GRIN2A: variants seen among roughly 807,000 people sequenced by gnomAD.
The protein encoded by GRIN2A is glutamate ionotropic receptor NMDA type subunit 2A, also known as glutamate receptor ionotropic, NMDA 2A.
GRIN2A carries 22 observed loss-of-function variants against 113.4 expected under a neutral mutation model. The ratio of observed to expected loss-of-function variants is 0.19; its 90% CI spans 0.14 to 0.28. The LOEUF (loss-of-function observed/expected upper bound fraction) is 0.28. Ranked by LOEUF, GRIN2A falls within the 10% of genes least tolerant of loss-of-function variation. The pLI, the probability that GRIN2A is intolerant of heterozygous loss-of-function variation, is 1.00. For missense variants in GRIN2A, 1,502 were observed against 1,887.0 expected, an observed-to-expected ratio of 0.80 and a Z score of 3.78; for synonymous variants, 827 against 738.4, an observed-to-expected ratio of 1.12 and a Z score of -1.94.
At chr16:9,987,907 C>T (rs917381973) in intron 2 of GRIN2A, among the ~76,000 whole-genome samples, 1 of 152,114 alleles carries the variant, frequency 6.6e-6, no homozygotes, top group Non-Finnish European at 1.5e-5. Flanking sequence ...TTCTCTCTAC[C>T]CAGGAGATAA....
chr16:9,988,629 G>C (rs1206036684), intron 2 of GRIN2A, among the ~76,000 whole-genome samples: 1 of 152,054 alleles, frequency 6.6e-6, no homozygotes, highest in Non-Finnish European at 1.5e-5. Flanking sequence ...ATGCCAGGCT[G>C]AGTGATAGGT....
chr16:9,758,654 T>A lies in GRIN2A; in HGVS notation c.*4495A>T, dbSNP rs1018314012. 9.3e-6 allele frequency: 2 copies of A among 214,488 alleles called. No homozygotes were observed. The highest frequency in any genetic ancestry group is 4.5e-5 in the African/African-American group (2 of 44,310). The allele number at this position is 214,488 out of a possible 1,614,324, so 13.3% of individuals were successfully genotyped here. On this transcript the variant is annotated 3_prime_UTR_variant, in exon 13 of 13. Transcript: ENST00000330684. ...TACATGTGTACACAAGCAGTTGTAT[T>A]CACAGGATAAGTGCATTTGATCATC...
chr16:10,070,736 T>A (rs1180744510), intron 2 of GRIN2A, among the ~76,000 whole-genome samples: 1 of 152,106 alleles, frequency 6.6e-6, no homozygotes, highest in Non-Finnish European at 1.5e-5. Flanking sequence ...CTTTTTCAGG[T>A]TTTGCAAACT....
At chr16:9,768,316 T>C (rs550499833) in intron 12 of GRIN2A, among the ~76,000 whole-genome samples, 1 of 152,284 alleles carries the variant, frequency 6.6e-6, no homozygotes, top group Admixed American at 6.5e-5. Context: ...CCTCCCAAAG[T>C]GCTGGGATTA....
chr16:9,788,554 G>A (rs945520151), intron 11 of GRIN2A, among the ~76,000 whole-genome samples: 55 of 151,708 alleles, frequency 3.6e-4, no homozygotes, highest in African/African-American at 1.3e-3. Context: ...CATCATGCCT[G>A]GCCTTCTTTT....
At chr16:10,079,528 G>A (rs1225145946) in intron 2 of GRIN2A, among the ~76,000 whole-genome samples, 1 of 152,146 alleles carries the variant, frequency 6.6e-6, no homozygotes, top group Non-Finnish European at 1.5e-5. Context: ...AGGTGATTAG[G>A]TCATGAGGGC....
chr16:10,044,268 G>A (rs1204871532), intron 2 of GRIN2A, among the ~76,000 whole-genome samples: 5 of 151,820 alleles, frequency 3.3e-5, no homozygotes, highest in Non-Finnish European at 7.4e-5. Context: ...TCCTGACCTC[G>A]TGATCCACCC....
At chr16:9,847,838 G>A (rs12325198) in intron 5 of GRIN2A, among the ~76,000 whole-genome samples, 4,698 of 147,662 alleles carry the variant, frequency 0.032, 275 homozygotes, top group African/African-American at 0.11. Context: ...GATGTATTCA[G>A]GATTTCAACT....
intron 2 of GRIN2A, among the ~76,000 whole-genome samples, chr16:10,055,258 T>A (rs1356095496): frequency 6.6e-6 from 1 of 151,632 alleles, no homozygotes; most frequent in African/African-American, 2.4e-5. Context: ...AGGAAGGAGA[T>A]AAGGGAATGA....
At position 10,180,715 on chromosome 16, in the gene GRIN2A, G is replaced by C. The variant is rs988276850; in HGVS notation, c.-18-286C>G. The C allele has an allele frequency of 4.0e-5, 22 of 547,416 alleles. No individual in the cohort carries two copies. The highest frequency in any genetic ancestry group is 6.3e-5 in the Admixed American group (2 of 31,692). The allele number at this position is 547,416 out of a possible 1,614,324, so 33.9% of individuals were successfully genotyped here. The stretch of plus-strand genomic sequence containing the variant: ...CAGGCACTTCCCCATCCCCATCTCT[G>C]TCCATATCCCCCACCGCATTCCCCA... On this transcript the variant is annotated intron_variant, in intron 1 of 12. Transcript: ENST00000330684. The surrounding 1 kb of genome is among the most constrained non-coding windows in gnomAD (Gnocchi z 7.0).
chr16:10,065,311 A>G (rs182469861), intron 2 of GRIN2A, among the ~76,000 whole-genome samples: 132 of 152,334 alleles, frequency 8.7e-4, no homozygotes, highest in African/African-American at 2.9e-3. Context: ...CTTGTTAGCA[A>G]AAGAATGCAC....
chr16:10,064,990 A>G (rs2047620711), intron 2 of GRIN2A, among the ~76,000 whole-genome samples: 1 of 152,242 alleles, frequency 6.6e-6, no homozygotes, highest in African/African-American at 2.4e-5. Flanking sequence ...CGTAACGTGG[A>G]GAATCCATAT....
At chr16:10,040,043 CCA>C (rs1491175979) in intron 2 of GRIN2A, among the ~76,000 whole-genome samples, 6 of 36,368 alleles carry the variant, frequency 1.6e-4, no homozygotes, top group Non-Finnish European at 3.0e-4. Context: ...CTACACACAT[CCA>C]CACACCACCA....
rs1356435053 is a variant in GRIN2A, at chr16:9,843,350, G to C, written c.1329-2246C>G. On this transcript the variant is annotated intron_variant, in intron 5 of 12. Coordinates refer to ENST00000330684, the MANE Select transcript of GRIN2A (RefSeq NM_001134407.3). ...GATTTGACAGAACAATTTTTTAAGA[G>C]ACACGCTCTTGCTCTGTTGCCCAGG... Among the ~76,000 whole-genome samples, 5 of 152,212 alleles carry C rather than the reference G, an allele frequency of 3.3e-5. No individual in the cohort carries two copies. The East Asian group carries it at 9.7e-4, about 29-fold the overall frequency.
chr16:9,998,827 C>A (rs538818975), intron 2 of GRIN2A, among the ~76,000 whole-genome samples: 1 of 152,176 alleles, frequency 6.6e-6, no homozygotes, highest in Admixed American at 6.6e-5. Flanking sequence ...TACTCCTCCT[C>A]CCCCTCCTGC....
At chr16:9,904,866 G>C (rs2043997398) in intron 3 of GRIN2A, among the ~76,000 whole-genome samples, 1 of 152,196 alleles carries the variant, frequency 6.6e-6, no homozygotes, top group Non-Finnish European at 1.5e-5. Flanking sequence ...ATGAGAGTTA[G>C]AAGGGGTCCT....
intron 4 of GRIN2A, among the ~76,000 whole-genome samples, chr16:9,863,278 G>A (rs1199496830): frequency 6.6e-6 from 1 of 152,222 alleles, no homozygotes; most frequent in African/African-American, 2.4e-5. Context: ...TGTCCTGAGA[G>A]TTGGAGAAGC....
chr16:10,174,151 G>A (rs2050099314), intron 2 of GRIN2A, among the ~76,000 whole-genome samples: 1 of 152,162 alleles, frequency 6.6e-6, no homozygotes, highest in East Asian at 1.9e-4. Flanking sequence ...AGGGAAAAAG[G>A]GGAAGAACTG....
At chr16:9,885,799 A>G (rs903551920) in intron 4 of GRIN2A, among the ~76,000 whole-genome samples, 1 of 152,240 alleles carries the variant, frequency 6.6e-6, no homozygotes, top group African/African-American at 2.4e-5. Context: ...AGACAGAAGC[A>G]CACGGAGTTA....
Sources: gnomAD v4.1 joint callset for allele counts (sites outside exome capture counted in the v4.1 genomes callset) on GRCh38, gnomAD v4.1.1 for gene constraint, Gnocchi (gnomAD v3.1) non-coding constraint, MANE v1.5 for transcripts, NCBI Gene and HGNC (gene_info 2026-07-23, HGNC 2026-07-21) for gene names.